Variants in COL1A1 observed in about 807,000 individuals in gnomAD.
The protein encoded by COL1A1 is collagen alpha-1(I) chain.
A neutral mutation model predicts 195.7 loss-of-function variants in COL1A1; 21 were observed. That is an observed-to-expected ratio of 0.11 (90% CI 0.08 to 0.15). The LOEUF is 0.15. Among genes scored for constraint, COL1A1 ranks in the 10% least tolerant of loss-of-function variants. The pLI, the probability that COL1A1 is intolerant of heterozygous loss-of-function variation, is 1.00. For synonymous variants in COL1A1, 749 were observed against 747.3 expected (o/e 1.00, Z -0.04); for missense variants, 1,365 against 2,051.0 (o/e 0.67, Z 6.46).
Position 50,189,873 on chromosome 17 carries a change from T to C in COL1A1, c.2599A>G (p.Ser867Gly). ...GAPGAKGARG[S>G]AGPPGATGFP... The stretch of plus-strand genomic sequence containing the variant: ...GTGATACTCACAGGGGGACCAGCGC[T>C]GCCGCGAGCACCTTTGGCTCCAGGA... Residue 867 changes from serine (S) to glycine (G), a missense_variant, in exon 37 of 51, where the codon AGC becomes GGC. Physicochemically the swap from Ser to Gly is moderately conservative, Grantham distance 56. Transcript: ENST00000225964. This position sits in a 1 kb window ranked among gnomAD's most constrained non-coding sequence, Gnocchi z 5.5. 3.7e-6 allele frequency: 6 copies of C among 1,608,050 alleles called. No individual in the cohort carries two copies. The highest frequency in any genetic ancestry group is 5.1e-6 in the Non-Finnish European group (6 of 1,177,384).
rs747485519 is a variant in COL1A1 at position 50,186,623 on chromosome 17, C to T, written c.3814+17G>A. The T allele has an allele frequency of 6.2e-7, 1 of 1,613,318 alleles. No individual in the cohort carries two copies. On this transcript the variant is annotated intron_variant, in intron 48 of 50. Transcript: ENST00000225964. This position sits in a 1 kb window ranked among gnomAD's most constrained non-coding sequence, Gnocchi z 5.3. Reference sequence around the variant, plus strand: ...GGCAGGAGTAGGAGGGAGGGAGAGGCTAGGGCAGGCCCTCACCACTCTTCC... The same window carrying T: ...GGCAGGAGTAGGAGGGAGGGAGAGGTTAGGGCAGGCCCTCACCACTCTTCC...
At position 50,196,188 on chromosome 17, in the gene COL1A1, T is replaced by G. The variant is rs372319986; in HGVS notation, c.969A>C (p.Gly323=). 8.7e-6 allele frequency: 14 copies of G among 1,613,892 alleles called. No individual in the cohort carries two copies. The African/African-American group carries it at 1.6e-4, about 18-fold the overall frequency. ...PGAPGPAGAR[G]NDGATGAAGP... ...CGGCAGCACCAGTAGCACCATCATT[T>G]CCACGAGCACCCTGCAGGAGAGAGG... Residue 323 remains glycine (G), a synonymous_variant, in exon 15 of 51, where the codon GGA becomes GGC. Coordinates refer to ENST00000225964, the MANE Select transcript of COL1A1 (RefSeq NM_000088.4).
intron 25 of COL1A1, 80 bp from the exon 26 acceptor site, chr17:50,193,127 G>A (rs987841052): frequency 7.1e-7 from 1 of 1,418,192 alleles, no homozygotes; most frequent in Non-Finnish European, 9.9e-7. Context: ...TACTCTGAGT[G>A]GGACTTTTTA....
Position 50,192,789 on chromosome 17 carries a change from A to T in COL1A1, c.1875+8T>A, listed in dbSNP as rs756572885. On this transcript the variant is annotated splice_region_variant and intron_variant, in intron 27 of 50. Transcript: ENST00000225964. ...TGCTCCCCAGATCTCCCCATCAGGG[A>T]CACTCACAGCAGGGCCAGGGGGTCC... The T allele has an allele frequency of 4.4e-5, 71 of 1,614,032 alleles. No homozygotes were observed. The highest frequency in any genetic ancestry group is 5.3e-5 in the Non-Finnish European group (62 of 1,179,998).
At chr17:50,197,535 A>G (rs1196285958) in intron 9 of COL1A1, among the ~76,000 whole-genome samples, 197 bp downstream of exon 9, 1 of 152,204 alleles carries the variant, frequency 6.6e-6, no homozygotes, top group Non-Finnish European at 1.5e-5. Context: ...TGGGGTGAGG[A>G]GAACAGTCAC....
intron 45 of COL1A1, 87 bp from the exon 46 acceptor site, chr17:50,187,624 G>C: frequency 7.2e-7 from 1 of 1,380,984 alleles, no homozygotes; most frequent in African/African-American, 1.4e-5. Context: ...GGGCAGTGTG[G>C]GCAACCCATG....
intron 45 of COL1A1, 58 bp from the exon 46 acceptor site, chr17:50,187,595 G>A (rs1314935655): frequency 2.5e-6 from 4 of 1,584,502 alleles, no homozygotes; most frequent in African/African-American, 2.7e-5. Context: ...GTAGCCTGAG[G>A]GCCTGGCTGG....
Position 50,187,830 on chromosome 17 carries a change from T to A in COL1A1, c.3369+46A>T, listed in dbSNP as rs1310142821. 3 of 1,500,296 alleles carry A rather than the reference T, an allele frequency of 2.0e-6. No homozygotes were observed. The East Asian group carries it at 6.8e-5, about 34-fold the overall frequency. 92.9% of individuals were successfully genotyped at this position (1,500,296 alleles called of 1,614,324 possible). A position where few individuals can be genotyped will look rare whatever the true frequency, so the allele number is the denominator to read the frequency against. The stretch of plus-strand genomic sequence containing the variant: ...AACTGAGGCGAAGCTCCCCCTCCTA[T>A]CCCACAGCACAGCATGGGGACTGGG... On this transcript the variant is annotated intron_variant, in intron 45 of 50. Coordinates refer to ENST00000225964, the MANE Select transcript of COL1A1 (RefSeq NM_000088.4).
At chr17:50,200,490 G>A (rs1907990639) in intron 1 of COL1A1, among the ~76,000 whole-genome samples, 1 of 152,168 alleles carries the variant, frequency 6.6e-6, no homozygotes, top group African/African-American at 2.4e-5. Flanking sequence ...CTCAAAATTA[G>A]GAGACACCCT....
Position 50,195,645 on chromosome 17 carries a change from C to A in COL1A1, c.1077G>T (p.Gly359=), listed in dbSNP as rs1419690614. The A allele has an allele frequency of 1.2e-6, 2 of 1,613,548 alleles. No individual in the cohort carries two copies. The highest frequency in any genetic ancestry group is 1.3e-5 in the African/African-American group (1 of 74,764). Residue 359 remains glycine, a synonymous_variant, in exon 17 of 51, where the codon GGG becomes GGT. Coordinates refer to ENST00000225964, the MANE Select transcript of COL1A1 (RefSeq NM_000088.4). The surrounding 1 kb of genome is among the most constrained non-coding windows in gnomAD (Gnocchi z 4.3). ...VGAKGEAGPQ[G]PRGSEGPQGV... Reference sequence around the variant, plus strand: ...CCTGGGGACCTTCAGAGCCTCGGGGCCCTTGGGGACCAGCTTCACCCTGAA... The same window carrying A: ...CCTGGGGACCTTCAGAGCCTCGGGGACCTTGGGGACCAGCTTCACCCTGAA...
At position 50,194,853 on chromosome 17, in the gene COL1A1, C is replaced by T. The variant is rs565114285; in HGVS notation, c.1354-25G>A. The T allele has an allele frequency of 5.7e-6, 9 of 1,567,744 alleles. 1 individual carries two copies. The highest frequency in any genetic ancestry group is 5.7e-5 in the South Asian group (5 of 87,458). ...CCTGGAGAGGGCCGAGAGGAGGAGGCGGCCTGTGGTGAGGGGCCATCCTGT... is the reference window on the plus strand; with the variant it reads ...CCTGGAGAGGGCCGAGAGGAGGAGGTGGCCTGTGGTGAGGGGCCATCCTGT... On this transcript the variant is annotated intron_variant, in intron 20 of 50. Transcript: ENST00000225964. The surrounding 1 kb of genome is among the most constrained non-coding windows in gnomAD (Gnocchi z 6.8).
Position 50,190,726 on chromosome 17 carries a change from C to G in COL1A1, c.2343+91G>C, listed in dbSNP as rs1182715938. 2 of 1,486,174 alleles carry G rather than the reference C, an allele frequency of 1.3e-6. No individual in the cohort carries two copies. The highest frequency in any genetic ancestry group is 9.4e-7 in the Non-Finnish European group (1 of 1,068,006). The allele number at this position is 1,486,174 out of a possible 1,614,324, so 92.1% of individuals were successfully genotyped here. A position where few individuals can be genotyped will look rare whatever the true frequency, so the allele number is the denominator to read the frequency against. On this transcript the variant is annotated intron_variant, in intron 33 of 50. Transcript: ENST00000225964. The surrounding 1 kb of genome is among the most constrained non-coding windows in gnomAD (Gnocchi z 4.7). Reference sequence around the variant, plus strand: ...GGTTGACAGCTCAGTTTGGCAGGACCTGCTCTCCCAACGCAACCCCACGGA... The same window carrying G: ...GGTTGACAGCTCAGTTTGGCAGGACGTGCTCTCCCAACGCAACCCCACGGA...
Position 50,199,346 on chromosome 17 carries a change from G to A in COL1A1, c.370-19C>T. 6.3e-7 allele frequency: 1 copy of A among 1,587,670 alleles called. No individual in the cohort carries two copies. The highest frequency in any genetic ancestry group is 8.6e-7 in the Non-Finnish European group (1 of 1,167,058). On this transcript the variant is annotated intron_variant, in intron 4 of 50. Transcript: ENST00000225964. ...CGGGTCCCTGCAGGGGGAGAGGGCG[G>A]GGCCGGGGTGAGCGTGGGGCCGAGA... is the stretch of plus-strand genomic sequence containing the variant.
Position 50,188,979 on chromosome 17 carries a change from G to A in COL1A1, c.2969C>T (p.Ala990Val). The part of the protein sequence containing the change: ...GEPGKQGPSG[A>V]SGERGPPGPM... ...ACCAGGGGGACCACGTTCACCACTT[G>A]CTCCAGAGGGACCTTGTTTGCCAGG... The change falls in exon 41 of 51, where the codon GCA becomes GTA. Residue 990 changes from alanine (A) to valine (V), a missense_variant. Transcript: ENST00000225964. This position sits in a 1 kb window ranked among gnomAD's most constrained non-coding sequence, Gnocchi z 5.6. 6 of 1,611,604 alleles carry A rather than the reference G, an allele frequency of 3.7e-6. No homozygotes were observed. The highest frequency in any genetic ancestry group is 2.2e-5 in the East Asian group (1 of 44,668).
chr17:50,188,658 A>T lies in COL1A1; in HGVS notation c.3100-21T>A. On this transcript the variant is annotated intron_variant, in intron 42 of 50. Coordinates refer to ENST00000225964, the MANE Select transcript of COL1A1 (RefSeq NM_000088.4). The surrounding 1 kb of genome is among the most constrained non-coding windows in gnomAD (Gnocchi z 5.6). The stretch of plus-strand genomic sequence containing the variant: ...TCACCCTGGCGGGGAGAGCAGGGGA[A>T]TATGGGTCAGCCCCGGGTGAAGGGC... 6.2e-7 allele frequency: 1 copy of T among 1,613,138 alleles called. No individual in the cohort carries two copies. Among genetic ancestry groups the T allele is most frequent in the Non-Finnish European group, 8.5e-7 (1 of 1,179,426 alleles).
chr17:50,191,300 G>T, intron 32 of COL1A1, 83 bp downstream of exon 32: 1 of 1,258,532 alleles, frequency 7.9e-7, no homozygotes, highest in Non-Finnish European at 1.2e-6. Context: ...AGATCCCAGA[G>T]AGAAGGAGAG....
Position 50,196,335 on chromosome 17 carries a change from G to C in COL1A1, c.936C>G (p.Arg312=). The part of the protein sequence containing the change: ...GPRGLPGERG[R]PGAPGPAGAR... ...TTACAGCAGGGCCAGGGGCTCCAGG[G>C]CGACCTCTCTCACCAGGCAGGCCAC... The change falls in exon 14 of 51, where the codon CGC becomes CGG. Residue 312 remains arginine, a synonymous_variant. Coordinates refer to ENST00000225964, the MANE Select transcript of COL1A1 (RefSeq NM_000088.4). The C allele has an allele frequency of 6.2e-7, 1 of 1,611,234 alleles. No homozygotes were observed. Among genetic ancestry groups the C allele is most frequent in the Non-Finnish European group, 8.5e-7 (1 of 1,178,496 alleles).
At position 50,201,574 on chromosome 17, in the gene COL1A1, C is replaced by T. The variant is rs1908102674; in HGVS notation, c.-61G>A. On this transcript the variant is annotated 5_prime_UTR_variant, in exon 1 of 51. Transcript: ENST00000225964. ...GGGAGGGGGTTAGCGTCCGCTCATG[C>T]GTGGCCTCACACTCCGCGTGCCTCC... 11 of 1,464,924 alleles carry T rather than the reference C, an allele frequency of 7.5e-6. No homozygotes were observed. In the South Asian group the frequency reaches 1.2e-4, roughly 16 times the overall value. The allele number at this position is 1,464,924 out of a possible 1,614,324, so 90.7% of individuals were successfully genotyped here.
intron 13 of COL1A1, 41 bp downstream of exon 13, chr17:50,196,443 C>T (rs1012816661): frequency 1.2e-6 from 2 of 1,614,180 alleles, no homozygotes; most frequent in Non-Finnish European, 1.7e-6. Flanking sequence ...TTGCCCCTGC[C>T]TCCTGCCCCA....
Sources: allele counts gnomAD v4.1 joint callset (sites outside exome capture counted in the v4.1 genomes callset), GRCh38; gene constraint gnomAD v4.1.1; non-coding constraint Gnocchi (gnomAD v3.1); transcripts MANE v1.5; gene names NCBI Gene and HGNC (gene_info 2026-07-23, HGNC 2026-07-21).